Variants in RET observed in about 807,000 individuals in gnomAD.
RET encodes proto-oncogene tyrosine-protein kinase receptor Ret.
In RET, 19 loss-of-function variants were observed where a neutral mutation model predicts 118.3. The ratio of observed to expected loss-of-function variants is 0.16; its 90% CI spans 0.11 to 0.24. RET has a LOEUF of 0.24. Ranked by LOEUF, RET falls within the 10% of genes least tolerant of loss-of-function variation. RET has a pLI of 1.00. For missense variants in RET, 1,219 were observed against 1,502.1 expected (o/e 0.81, Z 3.12); for synonymous variants, 597 against 644.1 (o/e 0.93, Z 1.11).
At chr10:43,084,416 C>CA (rs1004424187) in intron 1 of RET, among the ~76,000 whole-genome samples, 1 of 152,260 alleles carries the variant, frequency 6.6e-6, no homozygotes, top group Non-Finnish European at 1.5e-5. Context: ...AGCCAGTGCA[C>CA]AGTGCTAGCT....
At chr10:43,104,141 G>A (rs564577082) in intron 3 of RET, among the ~76,000 whole-genome samples, 3 of 152,292 alleles carry the variant, frequency 2.0e-5, no homozygotes, top group African/African-American at 7.2e-5. Flanking sequence ...GAGGTGTAGA[G>A]TGGGGATGCA....
At chr10:43,120,966 G>A (rs147558410) in intron 15 of RET, among the ~76,000 whole-genome samples, 221 of 152,110 alleles carry the variant, frequency 1.5e-3, no homozygotes, top group African/African-American at 4.9e-3. Context: ...CACAAAAGGC[G>A]ACTTCCTATG....
intron 1 of RET, among the ~76,000 whole-genome samples, chr10:43,095,420 T>C (rs2505539): frequency 0.38 from 58,266 of 152,140 alleles, 11,512 homozygotes; most frequent in South Asian, 0.51. Context: ...AGCTTGGCCT[T>C]GTGCTGCCTG....
chr10:43,116,679 C>G lies in RET; in HGVS notation c.2232C>G (p.Phe744Leu), dbSNP rs766035127. 2.5e-6 allele frequency: 4 copies of G among 1,614,048 alleles called. No individual in the cohort carries two copies. Among genetic ancestry groups the G allele is most frequent in the Non-Finnish European group, 3.4e-6 (4 of 1,180,034 alleles). ...GAAAAGTGGTCAAGGCAACGGCCTT[C>G]CATCTGAAAGGCAGAGCAGGGTACA... Reference protein sequence around the residue: ...EFGKVVKATAFHLKGRAGYTT... With the variant: ...EFGKVVKATALHLKGRAGYTT... Residue 744 changes from phenylalanine to leucine, a missense_variant, in exon 12 of 20, where the codon TTC becomes TTG. Phe to Leu is a conservative substitution (Grantham distance 22). This residue lies in a region of RET where 850 missense variants were observed against 969.6 expected (regional missense o/e 0.88). Coordinates refer to ENST00000355710, the MANE Select transcript of RET (RefSeq NM_020975.6).
intron 1 of RET, among the ~76,000 whole-genome samples, chr10:43,090,730 T>C (rs1189192961): frequency 6.6e-6 from 1 of 151,684 alleles, no homozygotes; most frequent in African/African-American, 2.4e-5. Flanking sequence ...CAAAAACCTT[T>C]TTTGCGCACC....
At chr10:43,107,578 C>G (rs1377094565) in intron 5 of RET, among the ~76,000 whole-genome samples, 6 of 151,332 alleles carry the variant, frequency 4.0e-5, no homozygotes, top group Admixed American at 1.3e-4. Context: ...CACACACACA[C>G]ACACACACAC....
In RET at chr10:43,126,825, ACC is replaced by A; in HGVS notation, c.3187+104_3187+105del. ...TAAAAATGTTTCTGGTCTGAACAAA[ACC>A]AAAGTCTGCTCTGAACCTTTTTATT... On this transcript the variant is annotated intron_variant, in intron 19 of 19. Transcript: ENST00000355710. 2.6e-6 allele frequency: 4 copies of A among 1,529,812 alleles called. No individual in the cohort carries two copies. In the South Asian group the frequency reaches 4.8e-5, roughly 18 times the overall value. The allele number at this position is 1,529,812 out of a possible 1,614,324, so 94.8% of individuals were successfully genotyped here. A position where few individuals can be genotyped will look rare whatever the true frequency, so the allele number is the denominator to read the frequency against.
chr10:43,118,922 A>G (rs890928805), intron 13 of RET, among the ~76,000 whole-genome samples: 1 of 152,240 alleles, frequency 6.6e-6, no homozygotes, highest in Non-Finnish European at 1.5e-5. Flanking sequence ...CATTTCTCAG[A>G]TAAAGACCCA....
chr10:43,082,170 T>G (rs1006059616), intron 1 of RET, among the ~76,000 whole-genome samples: 1 of 152,174 alleles, frequency 6.6e-6, no homozygotes, highest in Non-Finnish European at 1.5e-5. Flanking sequence ...AGGGCAGGGC[T>G]GGGCAAGAGC....
intron 5 of RET, among the ~76,000 whole-genome samples, chr10:43,107,387 C>T (rs1054301635): frequency 4.6e-5 from 7 of 152,124 alleles, no homozygotes; most frequent in African/African-American, 7.2e-5. Context: ...TGGCAGCACG[C>T]GGCAGGTACA....
Position 43,106,039 on chromosome 10 carries a change from G to A in RET, c.868-337G>A, listed in dbSNP as rs779734596. On this transcript the variant is annotated intron_variant, in intron 4 of 19. Coordinates refer to ENST00000355710, the MANE Select transcript of RET (RefSeq NM_020975.6). This position sits in a 1 kb window ranked among gnomAD's most constrained non-coding sequence, Gnocchi z 5.1. ...CACCCTGTGGGGCCCAGCTTCCTCA[G>A]GGGAGAGTGGAGGTGCTCATCCTGC... 1.5e-4 allele frequency among the ~76,000 whole-genome samples: 23 copies of A among 152,104 alleles called. No homozygotes were observed. Among genetic ancestry groups the A allele is most frequent in the Non-Finnish European group, 2.6e-4 (18 of 67,992 alleles).
intron 1 of RET, among the ~76,000 whole-genome samples, chr10:43,088,555 C>T (rs1837345221): frequency 6.6e-6 from 1 of 151,950 alleles, no homozygotes; most frequent in African/African-American, 2.4e-5. Flanking sequence ...GTGATGCAGC[C>T]ATCTTCTGTG....
At chr10:43,091,850 G>T (rs1432905181) in intron 1 of RET, among the ~76,000 whole-genome samples, 2 of 149,644 alleles carry the variant, frequency 1.3e-5, no homozygotes, top group East Asian at 3.9e-4. Flanking sequence ...AAAAGAACCA[G>T]TGTTGGTAAG....
chr10:43,089,277 G>A (rs575659872), intron 1 of RET, among the ~76,000 whole-genome samples: 113 of 152,320 alleles, frequency 7.4e-4, no homozygotes, highest in Non-Finnish European at 1.4e-3. Flanking sequence ...GTGTCCCAGG[G>A]TCTCCAGCCT....
At chr10:43,087,894 G>A (rs1362789832) in intron 1 of RET, among the ~76,000 whole-genome samples, 1 of 152,238 alleles carries the variant, frequency 6.6e-6, no homozygotes, top group South Asian at 2.1e-4. Flanking sequence ...TGAGATGGGG[G>A]TGGTGCTGGT....
intron 1 of RET, among the ~76,000 whole-genome samples, chr10:43,085,533 C>T (rs1006405677): frequency 5.3e-5 from 8 of 152,220 alleles, no homozygotes; most frequent in African/African-American, 1.9e-4. Flanking sequence ...GTCTGCCCCT[C>T]GGCCCCTGGT....
intron 1 of RET, among the ~76,000 whole-genome samples, chr10:43,078,972 T>C (rs554104589): frequency 5.5e-4 from 83 of 152,212 alleles, no homozygotes; most frequent in Middle Eastern, 3.4e-3. Flanking sequence ...GCTGCAGAGC[T>C]CTTTCCCAGG....
At chr10:43,077,810 G>C (rs1173116844) in intron 1 of RET, among the ~76,000 whole-genome samples, 1 of 152,232 alleles carries the variant, frequency 6.6e-6, no homozygotes, top group East Asian at 1.9e-4. Context: ...TCCTCCCCCA[G>C]CTCTGCCGTC....
In RET at chr10:43,077,264, G is replaced by T; in HGVS notation, c.6G>T (p.Ala2=). ...GGCCCCAGCGCGCACGGGCGATGGC[G>T]AAGGCGACGTCCGGTGCCGCGGGGC... M[A]KATSGAAGLR... is the part of the protein sequence containing the mutation. Residue 2 remains alanine (A), a synonymous_variant, in exon 1 of 20, where the codon GCG becomes GCT. Transcript: ENST00000355710. The T allele has an allele frequency of 6.6e-7, 1 of 1,504,576 alleles. No individual in the cohort carries two copies. The highest frequency in any genetic ancestry group is 1.2e-5 in the South Asian group (1 of 80,840). 93.2% of individuals were successfully genotyped at this position (1,504,576 alleles called of 1,614,324 possible).
Sources: gnomAD v4.1 joint callset for allele counts (sites outside exome capture counted in the v4.1 genomes callset) on GRCh38, gnomAD v4.1.1 for gene constraint, gnomAD v4.1.1 regional missense constraint, Gnocchi (gnomAD v3.1) non-coding constraint, MANE v1.5 for transcripts, NCBI Gene and HGNC (gene_info 2026-07-23, HGNC 2026-07-21) for gene names.